Variants in ADAM17 observed in about 807,000 individuals in gnomAD.
The protein encoded by ADAM17 is disintegrin and metalloproteinase domain-containing protein 17.
A neutral mutation model predicts 96.7 loss-of-function variants in ADAM17; 39 were observed. The observed-to-expected ratio is 0.40, with a 90% CI of 0.31 to 0.53. ADAM17 has a LOEUF of 0.53. Ranked by LOEUF, ADAM17 falls within the 20% of genes least tolerant of loss-of-function variation. The pLI is 0.44. For synonymous variants in ADAM17, 344 were observed against 359.2 expected (o/e 0.96, Z 0.48); for missense variants, 777 against 1,013.2 (o/e 0.77, Z 3.17).
chr2:9,527,795 G>A lies in ADAM17; in HGVS notation c.610C>T (p.Pro204Ser). ...ACTCTTTAAGTCTTACCTTCAGGTG[G>A]TTCTCTGTCTACTAACCCTTTTGGG... is the stretch of plus-strand genomic sequence containing the variant. ...LLPKGLVDREPPEELVHRVKR... is the reference protein window; with the variant it reads ...LLPKGLVDRESPEELVHRVKR... The change falls in exon 5 of 19, where the codon CCA becomes TCA. Residue 204 changes from proline to serine, a missense_variant. This residue lies in a region of ADAM17 where 446 missense variants were observed against 664.7 expected (regional missense o/e 0.67). Coordinates refer to ENST00000310823, the MANE Select transcript of ADAM17 (RefSeq NM_003183.6). 1 of 1,574,824 alleles carries A rather than the reference G, an allele frequency of 6.3e-7. No homozygotes were observed. Among genetic ancestry groups the A allele is most frequent in the Non-Finnish European group, 8.6e-7 (1 of 1,164,562 alleles).
At chr2:9,494,936 T>TCACACTCCTCAGCCTTCAGTGACAGAGGC (rs1258782702) in intron 14 of ADAM17, 169 bp from the exon 15 acceptor site, 1 of 706,716 alleles carries the variant, frequency 1.4e-6, no homozygotes, top group Non-Finnish European at 2.2e-6. Context: ...GTTTCTGAGG[T>TCACACTCCTCAGCCTTCAGTGACAGAGGC]CACACTCCTC....
At chr2:9,497,062 A>G in intron 14 of ADAM17, 52 bp downstream of exon 14, 1 of 1,592,632 alleles carries the variant, frequency 6.3e-7, no homozygotes, top group Non-Finnish European at 8.5e-7. Context: ...GGAGCCTGGC[A>G]GACAAAGGCC....
At chr2:9,495,859 CCTT>C (rs1169326311) in intron 14 of ADAM17, among the ~76,000 whole-genome samples, 1 of 143,390 alleles carries the variant, frequency 7.0e-6, no homozygotes, top group Non-Finnish European at 1.5e-5. Flanking sequence ...CTACGTGTTA[CCTT>C]TTTTTTTTTT....
At chr2:9,515,175 C>G (rs1267010820) in intron 10 of ADAM17, among the ~76,000 whole-genome samples, 1 of 152,166 alleles carries the variant, frequency 6.6e-6, no homozygotes, top group Non-Finnish European at 1.5e-5. Context: ...CCCTCCCTCC[C>G]CCAGCATCTA....
At chr2:9,555,312 C>T (rs1665706550) in intron 1 of ADAM17, among the ~76,000 whole-genome samples, 197 bp downstream of exon 1, 1 of 152,188 alleles carries the variant, frequency 6.6e-6, no homozygotes, top group South Asian at 2.1e-4. Context: ...TAGCCCTTTC[C>T]CACTCAGAGA....
intron 17 of ADAM17, among the ~76,000 whole-genome samples, chr2:9,492,501 A>C (rs1662238169): frequency 2.0e-5 from 3 of 152,242 alleles, no homozygotes; most frequent in Admixed American, 2.0e-4. Flanking sequence ...ATCTGCTGCC[A>C]ATAATCTACA....
intron 2 of ADAM17, among the ~76,000 whole-genome samples, chr2:9,542,454 A>G (rs1665245067): frequency 6.6e-6 from 1 of 152,206 alleles, no homozygotes; most frequent in Non-Finnish European, 1.5e-5. Context: ...ATAGAACAGT[A>G]AAATCTAGAC....
intron 17 of ADAM17, among the ~76,000 whole-genome samples, chr2:9,491,461 C>T (rs1183093026): frequency 6.6e-6 from 1 of 152,242 alleles, no homozygotes; most frequent in African/African-American, 2.4e-5. Context: ...AGGCATCTTC[C>T]TGTGCATGAA....
chr2:9,542,726 T>G (rs1034247065), intron 2 of ADAM17, among the ~76,000 whole-genome samples: 3 of 152,160 alleles, frequency 2.0e-5, no homozygotes, highest in African/African-American at 7.2e-5. Context: ...TGAGACAGAG[T>G]CTCACTCTGT....
intron 2 of ADAM17, among the ~76,000 whole-genome samples, chr2:9,538,517 TTTTCCC>T (rs1665080968): frequency 6.6e-6 from 1 of 152,204 alleles, no homozygotes; most frequent in African/African-American, 2.4e-5. Context: ...CAGTTATGAT[TTTTCCC>T]TCCAGTTATG....
At chr2:9,542,869 CT>C (rs746563030) in intron 2 of ADAM17, among the ~76,000 whole-genome samples, 30 of 151,888 alleles carry the variant, frequency 2.0e-4, no homozygotes, top group Non-Finnish European at 1.8e-4. Flanking sequence ...AATTTTTGTA[CT>C]TTTAGTAGAG....
intron 18 of ADAM17, among the ~76,000 whole-genome samples, chr2:9,490,728 A>T (rs749122655): frequency 1.3e-5 from 2 of 152,218 alleles, no homozygotes; most frequent in Non-Finnish European, 2.9e-5. Context: ...AATGGCAAAA[A>T]CAGTAATTAC....
At chr2:9,502,398 C>A in intron 12 of ADAM17, 122 bp from the exon 13 acceptor site, 1 of 764,348 alleles carries the variant, frequency 1.3e-6, no homozygotes, top group East Asian at 2.5e-5. Context: ...GCTCCGTCAC[C>A]CACTCCTACA....
intron 4 of ADAM17, among the ~76,000 whole-genome samples, chr2:9,532,453 T>TA (rs1325841259): frequency 2.0e-5 from 3 of 152,164 alleles, no homozygotes; most frequent in Admixed American, 6.6e-5. Context: ...CTGATGAGTA[T>TA]ACTTGTAAGT....
chr2:9,497,149 T>C lies in ADAM17; in HGVS notation c.1748A>G (p.Glu583Gly). 6.2e-7 allele frequency: 1 copy of C among 1,614,200 alleles called. No homozygotes were observed. The highest frequency in any genetic ancestry group is 1.1e-5 in the South Asian group (1 of 91,088). ...ACAGGACTCCAGCTGCTGTTCCCTC[T>C]CGCAGAAAGGGATGCATTTCCCATC... ...CKDGKCIPFCEREQQLESCAC... is the reference protein window; with the variant it reads ...CKDGKCIPFCGREQQLESCAC... The change falls in exon 14 of 19, where the codon GAG (glutamate) becomes GGG (glycine). Residue 583 changes from glutamate to glycine, a missense_variant. Glu to Gly is a moderately conservative substitution (Grantham distance 98, BLOSUM62 -2). Coordinates refer to ENST00000310823, the MANE Select transcript of ADAM17 (RefSeq NM_003183.6).
intron 11 of ADAM17, among the ~76,000 whole-genome samples, chr2:9,505,880 G>A (rs1459306934): frequency 6.6e-6 from 1 of 152,102 alleles, no homozygotes; most frequent in Non-Finnish European, 1.5e-5. Flanking sequence ...TTAAATATTT[G>A]AGCTTAGTAA....
chr2:9,514,819 G>A, intron 10 of ADAM17, among the ~76,000 whole-genome samples: 1 of 151,884 alleles, frequency 6.6e-6, no homozygotes, highest in East Asian at 1.9e-4. Flanking sequence ...AGCTTGCAGT[G>A]AGCCAAGATC....
At chr2:9,498,572 C>T (rs1012743958) in intron 13 of ADAM17, among the ~76,000 whole-genome samples, 2 of 152,180 alleles carry the variant, frequency 1.3e-5, no homozygotes, top group African/African-American at 4.8e-5. Flanking sequence ...AGCAGTAACA[C>T]AAAATGTACA....
chr2:9,516,055 C>G (rs1664041723), intron 10 of ADAM17, among the ~76,000 whole-genome samples: 1 of 152,200 alleles, frequency 6.6e-6, no homozygotes, highest in East Asian at 1.9e-4. Context: ...AGGCATGTAC[C>G]CCTACAACCA....
Sources: allele counts gnomAD v4.1 joint callset (sites outside exome capture counted in the v4.1 genomes callset), GRCh38; gene constraint gnomAD v4.1.1; regional missense constraint gnomAD v4.1.1; transcripts MANE v1.5; gene names NCBI Gene and HGNC (gene_info 2026-07-23, HGNC 2026-07-21).